The following GABRA3 variants were observed in gnomAD, a reference collection of about 807,000 sequenced individuals.
GABRA3 encodes the protein gamma-aminobutyric acid type A receptor subunit alpha3.
In GABRA3, 10 loss-of-function variants were observed where a neutral mutation model predicts 30.1. The observed-to-expected ratio is 0.33, with a 90% CI of 0.20 to 0.56. GABRA3 has a LOEUF of 0.56. GABRA3 is among the 20% of genes least tolerant of loss of function. The pLI is 0.89. For synonymous variants in GABRA3, 151 were observed against 146.8 expected (o/e 1.03, Z -0.21); for missense variants, 233 against 392.0 (o/e 0.59, Z 3.42).
intron 7 of GABRA3, among the ~76,000 whole-genome samples, chrX:152,200,758 TAC>T (rs1330826668): frequency 8.9e-6 from 1 of 112,408 alleles, no homozygotes; most frequent in Non-Finnish European, 1.9e-5. Context: ...ATAAATTAAT[TAC>T]ATTCTGTGGA....
At chrX:152,234,052 G>T (rs867839744) in intron 5 of GABRA3, among the ~76,000 whole-genome samples, 1 of 72,957 alleles carries the variant, frequency 1.4e-5, no homozygotes, top group East Asian at 6.1e-4. Flanking sequence ...GTTGTGGGGT[G>T]GGGGGAGGGG....
chrX:152,421,107 ACAC>A (rs753620306), intron 1 of GABRA3, among the ~76,000 whole-genome samples: 1,388 of 106,661 alleles, frequency 0.013, 13 homozygotes, highest in East Asian at 0.043. Flanking sequence ...ATACACACAC[ACAC>A]ACACACACAC....
At chrX:152,230,357 G>A (rs770960681) in intron 5 of GABRA3, among the ~76,000 whole-genome samples, 3 of 111,398 alleles carry the variant, frequency 2.7e-5, no homozygotes, top group African/African-American at 6.5e-5. Context: ...CAGACTTTCC[G>A]TGTTCACAAA....
intron 2 of GABRA3, among the ~76,000 whole-genome samples, chrX:152,346,203 A>C (rs59267428): frequency 0.12 from 13,539 of 111,274 alleles, 682 homozygotes; most frequent in African/African-American, 0.18. Flanking sequence ...GAAAGGGAAA[A>C]CTATTTGCTG....
chrX:152,419,929 G>T (rs989570465), intron 1 of GABRA3, among the ~76,000 whole-genome samples: 10 of 110,790 alleles, frequency 9.0e-5, no homozygotes, highest in Non-Finnish European at 1.5e-4. Flanking sequence ...AAAATAACAC[G>T]AAGAGTAGGA....
intron 1 of GABRA3, among the ~76,000 whole-genome samples, chrX:152,406,827 A>T (rs967649488): frequency 1.8e-5 from 2 of 111,037 alleles, no homozygotes; most frequent in African/African-American, 6.5e-5. Flanking sequence ...CACATGGAAC[A>T]TTCTCAAGGA....
At chrX:152,279,065 G>C (rs1173641923) in intron 4 of GABRA3, among the ~76,000 whole-genome samples, 2 of 111,715 alleles carry the variant, frequency 1.8e-5, no homozygotes, top group Non-Finnish European at 3.8e-5. Context: ...TAGGTTGCCT[G>C]TTCACTCTGA....
In GABRA3 at chrX:152,211,785, C is replaced by T. The variant is rs760477230; in HGVS notation, c.635-3641G>A. Among the ~76,000 whole-genome samples, 16 of 111,330 alleles carry T rather than the reference C, an allele frequency of 1.4e-4. No homozygotes were observed. In the South Asian group the frequency reaches 4.6e-3, roughly 32 times the overall value. On this transcript the variant is annotated intron_variant, in intron 6 of 9. Coordinates refer to ENST00000370314, the MANE Select transcript of GABRA3 (RefSeq NM_000808.4). The stretch of plus-strand genomic sequence containing the variant: ...AAACCAGAGGTGAGCACTATTGCTC[C>T]TGCTCAGAGTGGGGTGTTACAGAAG...
intron 4 of GABRA3, among the ~76,000 whole-genome samples, chrX:152,257,575 T>C (rs769534004): frequency 2.7e-4 from 31 of 112,782 alleles, no homozygotes; most frequent in Non-Finnish European, 5.6e-4. Context: ...TCTCTTCCTT[T>C]AGTAGACCAA....
At chrX:152,255,167 TATAG>T (rs1470748562) in intron 5 of GABRA3, among the ~76,000 whole-genome samples, 1 of 111,710 alleles carries the variant, frequency 9.0e-6, no homozygotes, top group Non-Finnish European at 1.9e-5. Context: ...AAACACCATG[TATAG>T]ATAGATAGAG....
intron 1 of GABRA3, among the ~76,000 whole-genome samples, chrX:152,447,546 T>C (rs1039658031): frequency 8.9e-6 from 1 of 112,135 alleles, no homozygotes; most frequent in African/African-American, 3.2e-5. Context: ...TTAAGCCTCC[T>C]ACTCTATGTC....
intron 5 of GABRA3, among the ~76,000 whole-genome samples, chrX:152,244,638 G>T (rs1176472440): frequency 9.0e-6 from 1 of 111,313 alleles, no homozygotes; most frequent in East Asian, 2.8e-4. Flanking sequence ...AATGCATTAA[G>T]ACAGTGCCCA....
At position 152,189,720 on chromosome X, in the gene GABRA3, T is replaced by C. The variant is rs747122819; in HGVS notation, c.1143+10A>G. On this transcript the variant is annotated intron_variant, in intron 9 of 9. Coordinates refer to ENST00000370314, the MANE Select transcript of GABRA3 (RefSeq NM_000808.4). ...GGGTGCTTCTCAGTTTCTCTTTTGCTATATCTCACCTTCATCTCCAGGGCC... is the reference window on the plus strand; with the variant it reads ...GGGTGCTTCTCAGTTTCTCTTTTGCCATATCTCACCTTCATCTCCAGGGCC... 2.9e-5 allele frequency: 34 copies of C among 1,178,831 alleles called. No homozygotes were observed. The highest frequency in any genetic ancestry group is 3.9e-5 in the Non-Finnish European group (34 of 870,367).
chrX:152,429,142 T>G (rs1453914159), intron 1 of GABRA3, among the ~76,000 whole-genome samples: 2 of 111,268 alleles, frequency 1.8e-5, no homozygotes, highest in African/African-American at 3.3e-5. Context: ...TCAGGAAAAC[T>G]GGTAGGAAAT....
intron 1 of GABRA3, among the ~76,000 whole-genome samples, chrX:152,419,188 G>A (rs748094325): frequency 4.5e-5 from 5 of 110,985 alleles, no homozygotes; most frequent in Non-Finnish European, 9.4e-5. Context: ...TATACCTAAT[G>A]TTAAATGACG....
rs201043139 is a variant in GABRA3, at chrX:152,167,836, T to A, written c.*392A>T. 5.0e-4 allele frequency: 83 copies of A among 166,049 alleles called. No individual in the cohort carries two copies. Among genetic ancestry groups the A allele is most frequent in the African/African-American group, 2.2e-3 (73 of 32,838 alleles). 13.7% of individuals were successfully genotyped at this position (166,049 alleles called of 1,213,427 possible). A position where few individuals can be genotyped will look rare whatever the true frequency, so the allele number is the denominator to read the frequency against. On this transcript the variant is annotated 3_prime_UTR_variant, in exon 10 of 10. Coordinates refer to ENST00000370314, the MANE Select transcript of GABRA3 (RefSeq NM_000808.4). ...GTAAGTTAGAGTCATCTGATCTAGA[T>A]GGGAGTCAACAATTCTCCTTGTTCT...
chrX:152,240,283 G>T, intron 5 of GABRA3, among the ~76,000 whole-genome samples: 1 of 102,287 alleles, frequency 9.8e-6, no homozygotes, highest in South Asian at 4.2e-4. Flanking sequence ...TGAAATTCTG[G>T]TTTGAAAATT....
At chrX:152,217,639 T>A (rs1452065343) in intron 6 of GABRA3, among the ~76,000 whole-genome samples, 2 of 111,345 alleles carry the variant, frequency 1.8e-5, no homozygotes, top group African/African-American at 6.5e-5. Context: ...ATTACTAATG[T>A]AACCTATTTA....
chrX:152,359,314 A>T (rs752462505), intron 2 of GABRA3, among the ~76,000 whole-genome samples: 4 of 110,144 alleles, frequency 3.6e-5, no homozygotes, highest in Admixed American at 9.6e-5. Context: ...GAATTTATCC[A>T]TTTCTTCTAG....
Sources: allele counts gnomAD v4.1 joint callset (sites outside exome capture counted in the v4.1 genomes callset), GRCh38; gene constraint gnomAD v4.1.1; transcripts MANE v1.5; gene names NCBI Gene and HGNC (gene_info 2026-07-23, HGNC 2026-07-21).